Variants in ZNF529 observed in about 807,000 individuals in gnomAD.
ZNF529 encodes the protein zinc finger protein 529.
A neutral mutation model predicts 10.1 loss-of-function variants in ZNF529; 11 were observed. The observed-to-expected ratio is 1.09, with a 90% CI of 0.69 to 1.81. The LOEUF (loss-of-function observed/expected upper bound fraction) is 1.81. Ranked by LOEUF, ZNF529 falls within the 40% of genes most tolerant of loss-of-function variation. The pLI is 0.00. For synonymous variants in ZNF529, 204 were observed against 215.7 expected (o/e 0.95, Z 0.47); for missense variants, 624 against 666.8 (o/e 0.94, Z 0.71).
At chr19:36,549,984 T>TC (rs2145791659) in intron 4 of ZNF529, among the ~76,000 whole-genome samples, 1 of 152,252 alleles carries the variant, frequency 6.6e-6, no homozygotes, top group South Asian at 2.1e-4. Context: ...AAGAAGGTGG[T>TC]CTAGGTAGAC....
intron 1 of ZNF529, among the ~76,000 whole-genome samples, chr19:36,592,201 C>T (rs1414867648): frequency 6.9e-6 from 1 of 145,614 alleles, no homozygotes; most frequent in Non-Finnish European, 1.5e-5. Context: ...GGGAGGATCA[C>T]TTGAACCCGG....
At chr19:36,600,556 A>C (rs2036907593) in intron 1 of ZNF529, among the ~76,000 whole-genome samples, 1 of 152,180 alleles carries the variant, frequency 6.6e-6, no homozygotes, top group Non-Finnish European at 1.5e-5. Context: ...CTTAATATTT[A>C]CATAATACAG....
intron 4 of ZNF529, among the ~76,000 whole-genome samples, chr19:36,553,768 G>T (rs1391201540): frequency 2.0e-5 from 3 of 152,130 alleles, no homozygotes. Flanking sequence ...TGTACAGGTT[G>T]TACATGCCGA....
At chr19:36,601,182 T>TC (rs2036917312) in intron 1 of ZNF529, among the ~76,000 whole-genome samples, 1 of 149,454 alleles carries the variant, frequency 6.7e-6, no homozygotes, top group East Asian at 2.0e-4. Flanking sequence ...AAGTGTAATT[T>TC]TTTTTTTTTT....
At chr19:36,555,162 AG>A (rs1194132770) in intron 3 of ZNF529, among the ~76,000 whole-genome samples, 1 of 152,260 alleles carries the variant, frequency 6.6e-6, no homozygotes, top group African/African-American at 2.4e-5. Flanking sequence ...CCTGTACAGG[AG>A]AAAAATATCT....
At position 36,546,057 on chromosome 19, in the gene ZNF529, G is replaced by GTATATATATATATATA. The variant is rs1379704584; in HGVS notation, c.*808_*809insTATATATATATATATA. ...ATATATACATATATTGTGTGTGTGTGTGTGTATATATATATATATATATAG... is the reference window on the plus strand; with the variant it reads ...ATATATACATATATTGTGTGTGTGTGTATATATATATATATATGTGTATATATATATATATATATAG... On this transcript the variant is annotated 3_prime_UTR_variant, in exon 5 of 5. Coordinates refer to ENST00000591340, the MANE Select transcript of ZNF529 (RefSeq NM_020951.5). The GTATATATATATATATA allele has an allele frequency of 3.8e-5, 3 of 79,314 alleles. No homozygotes were observed. The highest frequency in any genetic ancestry group is 2.9e-4 in the East Asian group (1 of 3,404). 4.9% of individuals were successfully genotyped at this position (79,314 alleles called of 1,614,324 possible). A position where few individuals can be genotyped will look rare whatever the true frequency, so the allele number is the denominator to read the frequency against.
At chr19:36,570,639 T>C (rs1249923188) in intron 2 of ZNF529, among the ~76,000 whole-genome samples, 1 of 152,234 alleles carries the variant, frequency 6.6e-6, no homozygotes, top group South Asian at 2.1e-4. Context: ...CATAACAGCT[T>C]TTCTGAGTTC....
rs758770279 is a variant in ZNF529, at chr19:36,547,854, G to A, written c.704C>T (p.Thr235Ile). The A allele has an allele frequency of 1.2e-5, 19 of 1,610,404 alleles. No individual in the cohort carries two copies. The highest frequency in any genetic ancestry group is 1.6e-4 in the Middle Eastern group (1 of 6,068). ...KPCKYMEYGN[T>I]CSFYKDFNVY... ...ATTAAAGTCTTTATAAAAACTACAT[G>A]TATTCCCATATTCCATATATTTACA... The change falls in exon 5 of 5, where the codon ACA becomes ATA. Residue 235 changes from threonine to isoleucine, a missense_variant. Coordinates refer to ENST00000591340, the MANE Select transcript of ZNF529 (RefSeq NM_020951.5).
chr19:36,571,400 C>T (rs184636781), intron 2 of ZNF529, among the ~76,000 whole-genome samples: 5 of 152,198 alleles, frequency 3.3e-5, no homozygotes, highest in South Asian at 2.1e-4. Flanking sequence ...TAAAGCCGGG[C>T]GCAGTGGCTC....
At chr19:36,552,862 GAATTATC>G (rs2145799192) in intron 4 of ZNF529, among the ~76,000 whole-genome samples, 1 of 152,238 alleles carries the variant, frequency 6.6e-6, no homozygotes, top group African/African-American at 2.4e-5. Context: ...AGTAACCACA[GAATTATC>G]AAGTATAAAG....
At chr19:36,561,404 A>G (rs1388537920) in intron 2 of ZNF529, among the ~76,000 whole-genome samples, 2 of 147,266 alleles carry the variant, frequency 1.4e-5, no homozygotes, top group Non-Finnish European at 3.0e-5. Flanking sequence ...TTTTTTTGAG[A>G]CAGACTCTCA....
upstream of ZNF529, chr19:36,573,384 A>C (rs761956606): frequency 4.3e-6 from 2 of 463,826 alleles, no homozygotes; most frequent in Non-Finnish European, 9.0e-6. Context: ...CCTGAAGCTC[A>C]AGCGGAGCCC....
chr19:36,594,746 G>C lies in ZNF529; in HGVS notation c.-127-5045C>G, dbSNP rs559610889. 3.9e-5 allele frequency: 6 copies of C among 152,302 alleles called. No homozygotes were observed. In the South Asian group the frequency reaches 8.3e-4, roughly 21 times the overall value. 9.4% of individuals were successfully genotyped at this position (152,302 alleles called of 1,614,324 possible). On this transcript the variant is annotated intron_variant, in intron 1 of 4. Coordinates refer to the ZNF529 transcript ENST00000585960. Reference sequence around the variant, plus strand: ...TGGGGTGGTTTGTCATGCAGCAACTGGAACTGCCTGATCACACCACACACA... The same window carrying C: ...TGGGGTGGTTTGTCATGCAGCAACTCGAACTGCCTGATCACACCACACACA...
intron 1 of ZNF529, among the ~76,000 whole-genome samples, chr19:36,593,517 C>T (rs1421725324): frequency 1.3e-5 from 2 of 152,142 alleles, no homozygotes; most frequent in Non-Finnish European, 2.9e-5. Flanking sequence ...AATCATCCGT[C>T]CACCATCTTT....
chr19:36,582,891 T>C (rs539898453), intron 2 of ZNF529, among the ~76,000 whole-genome samples: 15 of 152,188 alleles, frequency 9.9e-5, no homozygotes, highest in African/African-American at 3.1e-4. Context: ...AAAATGAAGA[T>C]GCCACTACGG....
chr19:36,604,080 T>C (rs2036976097), intron 1 of ZNF529, among the ~76,000 whole-genome samples: 1 of 152,154 alleles, frequency 6.6e-6, no homozygotes, highest in Non-Finnish European at 1.5e-5. Flanking sequence ...CTCGGGAGGC[T>C]GAGGCAGGAG....
upstream of ZNF529, chr19:36,574,827 TA>T (rs2036275066): frequency 2.1e-6 from 1 of 471,138 alleles, no homozygotes; most frequent in African/African-American, 2.0e-5. Context: ...ACAGGTTTTA[TA>T]CATTACGAAT....
chr19:36,556,179 GACA>G lies in ZNF529; in HGVS notation c.30_32del (p.Val11del). On this transcript the variant is annotated inframe_deletion, in exon 3 of 5. Transcript: ENST00000591340. ...GCATGACAGCATGAGGAGCTCCATG[GACA>G]TGATCCCCAATGAAACTGTAAAAAT... 9 of 1,231,874 alleles carry G rather than the reference GACA, an allele frequency of 7.3e-6. No homozygotes were observed. The highest frequency in any genetic ancestry group is 1.5e-5 in the African/African-American group (1 of 66,918). The allele number at this position is 1,231,874 out of a possible 1,614,324, so 76.3% of individuals were successfully genotyped here.
intron 1 of ZNF529, among the ~76,000 whole-genome samples, chr19:36,598,644 C>T (rs1259650754): frequency 6.6e-6 from 1 of 152,070 alleles, no homozygotes; most frequent in African/African-American, 2.4e-5. Flanking sequence ...ATTTTATTGG[C>T]ATTACCTAGA....
Sources: allele counts gnomAD v4.1 joint callset (sites outside exome capture counted in the v4.1 genomes callset), GRCh38; gene constraint gnomAD v4.1.1; transcripts MANE v1.5; gene names NCBI Gene and HGNC (gene_info 2026-07-23, HGNC 2026-07-21).